The following DHRS7C variants were observed in gnomAD, a reference collection of about 807,000 sequenced individuals.
DHRS7C encodes the protein dehydrogenase/reductase 7C.
Under a neutral mutation model 29.6 loss-of-function variants are expected in DHRS7C, and 28 were observed. That is an observed-to-expected ratio of 0.95 (90% CI 0.70 to 1.30). The LOEUF is 1.30. Ranked by LOEUF, DHRS7C falls within the 50% of genes most tolerant of loss-of-function variation. The pLI, the probability that DHRS7C is intolerant of heterozygous loss-of-function variation, is 0.00. For synonymous variants in DHRS7C, 158 were observed against 160.2 expected (o/e 0.99, Z 0.10); for missense variants, 403 against 393.3 (o/e 1.02, Z -0.21).
chr17:9,773,831 T>C (rs2066346260), intron 4 of DHRS7C, among the ~76,000 whole-genome samples: 1 of 149,506 alleles, frequency 6.7e-6, no homozygotes, highest in South Asian at 2.1e-4. Context: ...TTCAAGCAGT[T>C]CTCCTGCCTC....
intron 5 of DHRS7C, 123 bp from the exon 6 acceptor site, chr17:9,771,819 CA>C: frequency 9.7e-7 from 1 of 1,029,488 alleles, no homozygotes; most frequent in Non-Finnish European, 1.3e-6. Context: ...TCACAGGTTC[CA>C]GGCCCCCTCC....
intron 1 of DHRS7C, among the ~76,000 whole-genome samples, chr17:9,783,929 A>C: frequency 6.9e-6 from 1 of 145,502 alleles, no homozygotes; most frequent in South Asian, 2.2e-4. Flanking sequence ...CAACAGAGTG[A>C]GACTCTGTTT....
Position 9,775,492 on chromosome 17 carries a change from T to C in DHRS7C, c.571+1701A>G, listed in dbSNP as rs1205755343. On this transcript the variant is annotated intron_variant, in intron 4 of 5. Coordinates refer to ENST00000571134, the MANE Select transcript of DHRS7C (RefSeq NM_001105571.3). The surrounding 1 kb of genome is among the most constrained non-coding windows in gnomAD (Gnocchi z 4.2). The stretch of plus-strand genomic sequence containing the variant: ...TTGAGCACGGCTCCTCCACAGTCTC[T>C]TTCCTCTTCTTGCCAGCAGGGACCC... 1.3e-5 allele frequency among the ~76,000 whole-genome samples: 2 copies of C among 152,178 alleles called. No individual in the cohort carries two copies. Among genetic ancestry groups the C allele is most frequent in the Non-Finnish European group, 2.9e-5 (2 of 68,032 alleles).
chr17:9,786,428 C>T (rs1390347866), intron 1 of DHRS7C, among the ~76,000 whole-genome samples: 1 of 151,150 alleles, frequency 6.6e-6, no homozygotes, highest in Non-Finnish European at 1.5e-5. Context: ...GAAGGACTCT[C>T]CCCTCTGAAT....
rs752291206 is a variant in DHRS7C at position 9,774,459 on chromosome 17, A to G, written c.572-1537T>C. Among the ~76,000 whole-genome samples the G allele has an allele frequency of 6.6e-6, 1 of 151,652 alleles. No homozygotes were observed. Among genetic ancestry groups the G allele is most frequent in the Non-Finnish European group, 1.5e-5 (1 of 67,924 alleles). On this transcript the variant is annotated intron_variant, in intron 4 of 5. Transcript: ENST00000571134. This position sits in a 1 kb window ranked among gnomAD's most constrained non-coding sequence, Gnocchi z 5.0. ...ACCATCATGCCTGGCTAATTTTTGT[A>G]TTTTTAGTAGAGATGGGTTTCACCA...
intron 4 of DHRS7C, among the ~76,000 whole-genome samples, chr17:9,776,691 C>A (rs536656460): frequency 6.6e-6 from 1 of 152,118 alleles, no homozygotes; most frequent in Non-Finnish European, 1.5e-5. Flanking sequence ...TTTGAAAGGA[C>A]GCTCATATTT....
In DHRS7C at chr17:9,771,637, G is replaced by T; in HGVS notation, c.787C>A (p.Arg263Ser). ...TCTTGCTTCTTCCTCCGCACGGTGC[G>T]CATCACCTCCTCCGCCACCTCTACT... is the stretch of plus-strand genomic sequence containing the variant. ...HPVEVAEEVMRTVRRKKQEVF... is the reference protein window; with the variant it reads ...HPVEVAEEVMSTVRRKKQEVF... Residue 263 changes from arginine (R) to serine (S), a missense_variant, in exon 6 of 6, where the codon CGC (arginine) becomes AGC (serine). Transcript: ENST00000571134. The T allele has an allele frequency of 1.9e-6, 3 of 1,591,362 alleles. No individual in the cohort carries two copies. The highest frequency in any genetic ancestry group is 1.1e-5 in the South Asian group (1 of 87,970).
intron 2 of DHRS7C, 53 bp downstream of exon 2, chr17:9,781,429 T>C (rs2066392099): frequency 2.6e-6 from 4 of 1,549,276 alleles, no homozygotes; most frequent in Non-Finnish European, 2.7e-6. Flanking sequence ...GAACAATCAA[T>C]GGAGGCTGGG....
intron 1 of DHRS7C, chr17:9,782,819 A>G (rs1283532874): frequency 6.6e-6 from 1 of 152,318 alleles, no homozygotes; most frequent in Non-Finnish European, 1.5e-5. Context: ...GGCTGGGAAC[A>G]CGGAAGGACA....
At chr17:9,786,483 C>T (rs1007855006) in intron 1 of DHRS7C, among the ~76,000 whole-genome samples, 2 of 151,826 alleles carry the variant, frequency 1.3e-5, no homozygotes, top group Non-Finnish European at 2.9e-5. Context: ...TTCATGCTCG[C>T]TCATGACTGG....
intron 1 of DHRS7C, among the ~76,000 whole-genome samples, chr17:9,786,407 A>G (rs1231966212): frequency 6.7e-6 from 1 of 149,896 alleles, no homozygotes; most frequent in Admixed American, 6.6e-5. Context: ...TTTTTTTCTC[A>G]AGCTGCAGAG....
rs1026143718 is a variant in DHRS7C, at chr17:9,774,789, G to C, written c.572-1867C>G. On this transcript the variant is annotated intron_variant, in intron 4 of 5. Coordinates refer to ENST00000571134, the MANE Select transcript of DHRS7C (RefSeq NM_001105571.3). This position sits in a 1 kb window ranked among gnomAD's most constrained non-coding sequence, Gnocchi z 5.0. The stretch of plus-strand genomic sequence containing the variant: ...GGTGGTCAAAAGAAACCTCTGAGTC[G>C]GCAGACCCCAGGTCACTCCCACGCC... Among the ~76,000 whole-genome samples, 1 of 152,134 alleles carries C rather than the reference G, an allele frequency of 6.6e-6. No homozygotes were observed.
At chr17:9,786,368 T>TAATAATA (rs1567703762) in intron 1 of DHRS7C, among the ~76,000 whole-genome samples, 4 of 106,014 alleles carry the variant, frequency 3.8e-5, no homozygotes, top group Non-Finnish European at 6.7e-5. Flanking sequence ...TAATAATAAT[T>TAATAATA]AATCAGAAAA....
chr17:9,771,815 G>A lies in DHRS7C; in HGVS notation c.728-119C>T, dbSNP rs1159829500. 7 of 1,068,388 alleles carry A rather than the reference G, an allele frequency of 6.6e-6. No individual in the cohort carries two copies. In the African/African-American group the frequency reaches 1.1e-4, roughly 17 times the overall value. 66.2% of individuals were successfully genotyped at this position (1,068,388 alleles called of 1,614,324 possible). On this transcript the variant is annotated intron_variant, in intron 5 of 5. Coordinates refer to ENST00000571134, the MANE Select transcript of DHRS7C (RefSeq NM_001105571.3). ...GCGTGGGCTGTCCCCGGAGTCACAG[G>A]TTCCAGGCCCCCTCCGCCACCCGCG...
intron 3 of DHRS7C, among the ~76,000 whole-genome samples, chr17:9,779,082 G>A (rs760119299): frequency 7.2e-5 from 11 of 152,040 alleles, no homozygotes; most frequent in Admixed American, 2.6e-4. Flanking sequence ...GCTAAGTTTC[G>A]TATTTTTAGT....
intron 3 of DHRS7C, among the ~76,000 whole-genome samples, chr17:9,778,239 A>G (rs1282340084): frequency 7.3e-6 from 1 of 137,600 alleles, no homozygotes. Flanking sequence ...AAAAAAATAC[A>G]AAAAATTACC....
In DHRS7C at chr17:9,772,671, T is replaced by C. The variant is rs1597922153; in HGVS notation, c.727+96A>G. On this transcript the variant is annotated intron_variant, in intron 5 of 5. Transcript: ENST00000571134. ...CTCCACCCCCATCCCCAGACTCATGTTTCAGGAGTACCCATCTGAAGGTCA... is the reference window on the plus strand; with the variant it reads ...CTCCACCCCCATCCCCAGACTCATGCTTCAGGAGTACCCATCTGAAGGTCA... 4 of 1,458,328 alleles carry C rather than the reference T, an allele frequency of 2.7e-6. No homozygotes were observed. In the Admixed American group the frequency reaches 8.2e-5, roughly 30 times the overall value. The allele number at this position is 1,458,328 out of a possible 1,614,324, so 90.3% of individuals were successfully genotyped here.
chr17:9,780,695 A>G (rs528920322), intron 2 of DHRS7C, among the ~76,000 whole-genome samples: 1 of 152,308 alleles, frequency 6.6e-6, no homozygotes, highest in South Asian at 2.1e-4. Flanking sequence ...TCCGTAGTCA[A>G]ATTTGTTTGG....
intron 2 of DHRS7C, 69 bp downstream of exon 2, chr17:9,781,413 G>A: frequency 6.9e-7 from 1 of 1,452,230 alleles, no homozygotes; most frequent in South Asian, 1.2e-5. Flanking sequence ...TCCAAGAGCT[G>A]GTCCTGAACA....
Sources: allele counts gnomAD v4.1 joint callset (sites outside exome capture counted in the v4.1 genomes callset), GRCh38; gene constraint gnomAD v4.1.1; non-coding constraint Gnocchi (gnomAD v3.1); transcripts MANE v1.5; gene names NCBI Gene and HGNC (gene_info 2026-07-23, HGNC 2026-07-21).